The following PCBP3 variants were observed in gnomAD, a reference collection of about 807,000 sequenced individuals.
PCBP3 encodes poly(rC) binding protein 3.
Under a neutral mutation model 52.7 loss-of-function variants are expected in PCBP3, and 25 were observed. The observed-to-expected ratio is 0.47, with a 90% CI of 0.35 to 0.66. The LOEUF is 0.66. PCBP3 is among the 30% of genes least tolerant of loss of function. The pLI, the probability that PCBP3 is intolerant of heterozygous loss-of-function variation, is 0.01. For synonymous variants in PCBP3, 162 were observed against 183.0 expected, an observed-to-expected ratio of 0.89 and a Z score of 0.93; for missense variants, 391 against 490.3, an observed-to-expected ratio of 0.80 and a Z score of 1.91.
chr21:45,914,051 C>T, intron 12 of PCBP3, 26 bp downstream of exon 12: 1 of 1,613,118 alleles, frequency 6.2e-7, no homozygotes. Flanking sequence ...CTCGCGGCCT[C>T]CACTGCCAAC....
chr21:45,935,244 T>A lies in PCBP3; in HGVS notation c.857-9T>A. 2 of 1,607,906 alleles carry A rather than the reference T, an allele frequency of 1.2e-6. No individual in the cohort carries two copies. The highest frequency in any genetic ancestry group is 1.7e-6 in the Non-Finnish European group (2 of 1,175,802). On this transcript the variant is annotated splice_polypyrimidine_tract_variant and intron_variant, in intron 15 of 17. Transcript: ENST00000681687. ...CACCAGCCTAACCATGTCCCCTTGGTATACCCAGGTCTGGACGCCAGCCCA... is the reference window on the plus strand; with the variant it reads ...CACCAGCCTAACCATGTCCCCTTGGAATACCCAGGTCTGGACGCCAGCCCA...
chr21:45,822,641 A>ACGGGACAGGG, intron 4 of PCBP3, among the ~76,000 whole-genome samples: 1 of 151,532 alleles, frequency 6.6e-6, no homozygotes, highest in African/African-American at 2.4e-5. Context: ...CGGACCCGGC[A>ACGGGACAGGG]TGGGACAGGG....
At chr21:45,706,326 T>C (rs781547996) in intron 2 of PCBP3, among the ~76,000 whole-genome samples, 18 of 152,194 alleles carry the variant, frequency 1.2e-4, no homozygotes, top group Non-Finnish European at 2.9e-5. Context: ...GGTTCATTGA[T>C]TCTGAGTGTG....
chr21:45,845,535 G>T (rs2093789934), intron 4 of PCBP3, among the ~76,000 whole-genome samples: 1 of 151,060 alleles, frequency 6.6e-6, no homozygotes, highest in Non-Finnish European at 1.5e-5. Flanking sequence ...TGCCTTTGCT[G>T]TGTGTATGCA....
rs1487936151 is a variant in PCBP3, at chr21:45,939,651, G to A, written c.910-379G>A. ...GAAGGTGCAGACACCGCTGGGCCATGGTGGAGCCTCCCTGCTCAGCTGCTG... is the reference window on the plus strand; with the variant it reads ...GAAGGTGCAGACACCGCTGGGCCATAGTGGAGCCTCCCTGCTCAGCTGCTG... On this transcript the variant is annotated intron_variant, in intron 16 of 17. Transcript: ENST00000681687. 2.0e-5 allele frequency among the ~76,000 whole-genome samples: 3 copies of A among 152,242 alleles called. No individual in the cohort carries two copies. In the East Asian group the frequency reaches 5.8e-4, roughly 29 times the overall value.
At chr21:45,940,801 C>CCAGCCCCCCAGCCAGGCACACTGTACCAA (rs2149613622) in intron 17 of PCBP3, among the ~76,000 whole-genome samples, 1 of 152,160 alleles carries the variant, frequency 6.6e-6, no homozygotes, top group Admixed American at 6.5e-5. Flanking sequence ...CACTGTACCA[C>CCAGCCCCCCAGCCAGGCACACTGTACCAA]CAGCCCCCCA....
intron 2 of PCBP3, among the ~76,000 whole-genome samples, chr21:45,715,407 G>C (rs1437397318): frequency 6.6e-6 from 1 of 152,216 alleles, no homozygotes; most frequent in Non-Finnish European, 1.5e-5. Flanking sequence ...AAGCGTACAA[G>C]TGAGTAGTTT....
chr21:45,851,099 GA>G (rs1569313484), intron 5 of PCBP3, among the ~76,000 whole-genome samples: 1 of 152,196 alleles, frequency 6.6e-6, no homozygotes, highest in Non-Finnish European at 1.5e-5. Flanking sequence ...AAAAGAGCAA[GA>G]GAGAAAGCCC....
At chr21:45,762,066 A>G (rs115415291) in intron 4 of PCBP3, 33 of 152,368 alleles carry the variant, frequency 2.2e-4, no homozygotes, top group African/African-American at 7.5e-4. Flanking sequence ...TGTGTAACCA[A>G]TGCAAAACTG....
At chr21:45,694,259 A>G (rs937831924) in intron 2 of PCBP3, among the ~76,000 whole-genome samples, 2 of 152,202 alleles carry the variant, frequency 1.3e-5, no homozygotes, top group African/African-American at 4.8e-5. Flanking sequence ...TTGAATGCAA[A>G]TAGATTAAAC....
chr21:45,822,991 C>T (rs940254773), intron 4 of PCBP3, among the ~76,000 whole-genome samples: 14 of 152,084 alleles, frequency 9.2e-5, no homozygotes, highest in Middle Eastern at 3.4e-3. Context: ...TGGGCCCTAG[C>T]GGGGGGTAAG....
chr21:45,871,429 C>T lies in PCBP3; in HGVS notation c.10+21334C>T, dbSNP rs527884900. On this transcript the variant is annotated intron_variant, in intron 5 of 17. Transcript: ENST00000681687. ...TTGCCTGAGTCCTCCTCCCTCCACC[C>T]GCACCCAGAGACCTTCATGGGAGAC... 2.5e-3 allele frequency: 384 copies of T among 154,696 alleles called. 2 individuals carry two copies. The highest frequency in any genetic ancestry group is 6.1e-3 in the South Asian group (32 of 5,212). The allele number at this position is 154,696 out of a possible 1,614,324, so 9.6% of individuals were successfully genotyped here.
chr21:45,707,983 A>C (rs960544230), intron 2 of PCBP3, among the ~76,000 whole-genome samples: 1 of 152,212 alleles, frequency 6.6e-6, no homozygotes. Context: ...AGGTCACTCC[A>C]CTGGTGTCAG....
chr21:45,817,062 G>A lies in PCBP3; in HGVS notation c.-125-32899G>A, dbSNP rs1370270948. On this transcript the variant is annotated intron_variant, in intron 4 of 17. Coordinates refer to ENST00000681687, the MANE Select transcript of PCBP3 (RefSeq NM_001384156.1). The surrounding 1 kb of genome is among the most constrained non-coding windows in gnomAD (Gnocchi z 4.3). ...CACGTCTGTTGTTGCCTGAAATGCC[G>A]TTGTGTGGCACGTGACTATATATGC... is the stretch of plus-strand genomic sequence containing the variant. Among the ~76,000 whole-genome samples the A allele has an allele frequency of 6.6e-6, 1 of 152,162 alleles. No individual in the cohort carries two copies. The highest frequency in any genetic ancestry group is 6.5e-5 in the Admixed American group (1 of 15,284).
chr21:45,766,900 TCAA>T (rs1032398566), intron 4 of PCBP3, among the ~76,000 whole-genome samples: 75 of 152,024 alleles, frequency 4.9e-4, no homozygotes, highest in African/African-American at 1.6e-3. Flanking sequence ...GCCAACACAA[TCAA>T]CAACAACAAC....
In PCBP3 at chr21:45,796,030, C is replaced by G. The variant is rs190404055; in HGVS notation, c.-126+40578C>G. 3.3e-5 allele frequency among the ~76,000 whole-genome samples: 5 copies of G among 152,238 alleles called. No individual in the cohort carries two copies. The East Asian group carries it at 9.6e-4, about 29-fold the overall frequency. On this transcript the variant is annotated intron_variant, in intron 4 of 17. Transcript: ENST00000681687. The stretch of plus-strand genomic sequence containing the variant: ...AATGTATGTAATGAGTCTGAAAAGA[C>G]CCGTAATTGTGAGAGTGATTGAAAA...
At chr21:45,687,367 G>A (rs543497908) in intron 2 of PCBP3, among the ~76,000 whole-genome samples, 30 of 152,232 alleles carry the variant, frequency 2.0e-4, no homozygotes, top group Admixed American at 1.6e-3. Flanking sequence ...AATGATATAG[G>A]TGAGCATCTA....
chr21:45,687,679 A>G (rs1256498272), intron 2 of PCBP3, among the ~76,000 whole-genome samples: 1 of 152,180 alleles, frequency 6.6e-6, no homozygotes, highest in Non-Finnish European at 1.5e-5. Context: ...TAGAAGAAAA[A>G]GGATGAAAAA....
At chr21:45,908,701 G>T (rs1194604386) in intron 9 of PCBP3, among the ~76,000 whole-genome samples, 1 of 152,148 alleles carries the variant, frequency 6.6e-6, no homozygotes, top group African/African-American at 2.4e-5. Context: ...CCACAGCCTG[G>T]ACACGCCCCA....
Sources: gnomAD v4.1 joint callset for allele counts (sites outside exome capture counted in the v4.1 genomes callset) on GRCh38, gnomAD v4.1.1 for gene constraint, Gnocchi (gnomAD v3.1) non-coding constraint, MANE v1.5 for transcripts, NCBI Gene and HGNC (gene_info 2026-07-23, HGNC 2026-07-21) for gene names.